The following VSIG1 variants were observed in gnomAD, a reference collection of about 807,000 sequenced individuals.
VSIG1 encodes the protein V-set and immunoglobulin domain-containing protein 1.
Under a neutral mutation model 20.1 loss-of-function variants are expected in VSIG1, and 11 were observed. That is an observed-to-expected ratio of 0.55 (90% CI 0.34 to 0.91). The LOEUF is 0.91. Among genes scored for constraint, VSIG1 ranks in the 40% least tolerant of loss-of-function variants. The pLI is 0.02. For missense variants in VSIG1, 283 were observed against 298.8 expected, an observed-to-expected ratio of 0.95 and a Z score of 0.39; for synonymous variants, 126 against 116.7, an observed-to-expected ratio of 1.08 and a Z score of -0.52.
chrX:108,036,927 T>C, the VSIG1 span, among the ~76,000 whole-genome samples: 88 of 111,856 alleles, frequency 7.9e-4, 3 homozygotes, highest in East Asian at 0.023. Context: ...CAGAGCTCAC[T>C]TGGGTTTCTC....
intron 4 of VSIG1, 150 bp from the exon 5 acceptor site, chrX:108,073,100 G>T (rs2031282584): frequency 1.4e-6 from 1 of 696,003 alleles, no homozygotes; most frequent in African/African-American, 2.2e-5. Flanking sequence ...GTTAGCACTG[G>T]AACAGTCCTG....
intron 3 of VSIG1, among the ~76,000 whole-genome samples, chrX:108,068,483 C>A (rs1375646678): frequency 9.0e-6 from 1 of 111,614 alleles, no homozygotes; most frequent in African/African-American, 3.3e-5. Flanking sequence ...GGAAGCATAG[C>A]AGCTTCTTGG....
At chrX:108,066,801 C>T in intron 2 of VSIG1, 135 bp from the exon 3 acceptor site, 1 of 584,284 alleles carries the variant, frequency 1.7e-6, no homozygotes, top group East Asian at 3.6e-5. Flanking sequence ...GAAACCTTGG[C>T]CACAGGGACC....
chrX:108,047,833 CAT>C (rs1423558840), intron 1 of VSIG1, among the ~76,000 whole-genome samples: 1,334 of 45,205 alleles, frequency 0.03, 91 homozygotes, highest in African/African-American at 0.047. Flanking sequence ...TATATATACA[CAT>C]ATATATATAC....
At chrX:108,047,893 T>TATATATACACAC (rs2030651655) in intron 1 of VSIG1, among the ~76,000 whole-genome samples, 1 of 16,473 alleles carries the variant, frequency 6.1e-5, no homozygotes, top group Non-Finnish European at 9.3e-5. Context: ...TATACACACA[T>TATATATACACAC]ATATATATAT....
At chrX:108,027,464 T>C in the VSIG1 span, among the ~76,000 whole-genome samples, 1 of 111,725 alleles carries the variant, frequency 9.0e-6, no homozygotes, top group Non-Finnish European at 1.9e-5. Flanking sequence ...AATAAGAATA[T>C]CCATAAAGTT....
chrX:108,029,824 AAG>A, the VSIG1 span, among the ~76,000 whole-genome samples: 1 of 111,720 alleles, frequency 9.0e-6, no homozygotes, highest in African/African-American at 3.3e-5. Context: ...AAGGAGGAGA[AAG>A]AGAGCAGAGC....
intron 3 of VSIG1, among the ~76,000 whole-genome samples, chrX:108,071,192 G>A (rs910066701): frequency 2.7e-5 from 3 of 111,237 alleles, no homozygotes; most frequent in African/African-American, 9.8e-5. Flanking sequence ...GGTAAGAGCT[G>A]TAGGACTGAG....
At chrX:108,065,230 G>A (rs2031104635) in intron 2 of VSIG1, among the ~76,000 whole-genome samples, 2 of 111,570 alleles carry the variant, frequency 1.8e-5, no homozygotes, top group Admixed American at 1.9e-4. Context: ...AATATCTTTT[G>A]GTTTTCTAAT....
At chrX:108,061,731 A>T (rs999050680) in intron 2 of VSIG1, among the ~76,000 whole-genome samples, 3 of 110,158 alleles carry the variant, frequency 2.7e-5, no homozygotes, top group African/African-American at 9.9e-5. Flanking sequence ...GCCTCTTCCT[A>T]AAGGCTCAGG....
intron 2 of VSIG1, among the ~76,000 whole-genome samples, chrX:108,058,970 G>A (rs888632672): frequency 6.3e-5 from 7 of 111,547 alleles, no homozygotes; most frequent in African/African-American, 1.6e-4. Flanking sequence ...ATGCACGTGC[G>A]TGTGTGTGTT....
At chrX:108,041,265 T>C (rs1257374425), upstream of VSIG1, among the ~76,000 whole-genome samples, 7 of 110,750 alleles carry the variant, frequency 6.3e-5, no homozygotes, top group Non-Finnish European at 9.5e-5. Flanking sequence ...AATGTAGGTA[T>C]ACCTGACTTA....
chrX:108,044,966 G>C, upstream of VSIG1: 1 of 329,050 alleles, frequency 3.0e-6, no homozygotes, highest in Non-Finnish European at 5.3e-6. Context: ...AATCTGTACT[G>C]AAAAAAGTCT....
At chrX:108,048,963 C>T (rs1440734526) in intron 1 of VSIG1, among the ~76,000 whole-genome samples, 1 of 112,069 alleles carries the variant, frequency 8.9e-6, no homozygotes, top group Non-Finnish European at 1.9e-5. Flanking sequence ...TAAAAAGGCT[C>T]ATCTGGAAAT....
At chrX:108,060,930 C>T (rs1173855430) in intron 2 of VSIG1, among the ~76,000 whole-genome samples, 2 of 112,202 alleles carry the variant, frequency 1.8e-5, no homozygotes, top group Non-Finnish European at 3.8e-5. Flanking sequence ...GGGACTGACT[C>T]ATGGGCACTA....
At chrX:108,044,052 G>A (rs1204343923), upstream of VSIG1, among the ~76,000 whole-genome samples, 1 of 111,600 alleles carries the variant, frequency 9.0e-6, no homozygotes, top group African/African-American at 3.3e-5. Context: ...CTGGCACACA[G>A]GATGAAGGTG....
At chrX:108,047,799 TATATATATAC>T (rs2030624106) in intron 1 of VSIG1, among the ~76,000 whole-genome samples, 6 of 68,557 alleles carry the variant, frequency 8.8e-5, no homozygotes, top group African/African-American at 1.9e-4. Flanking sequence ...TCTATATATA[TATATATATAC>T]ATATATATAT....
chrX:108,064,168 C>A (rs1251458109), intron 2 of VSIG1, among the ~76,000 whole-genome samples: 1 of 111,582 alleles, frequency 9.0e-6, no homozygotes, highest in African/African-American at 3.3e-5. Flanking sequence ...ACTGTGTGGA[C>A]TTCCCCTTAA....
chrX:108,072,965 C>T (rs1232632311), intron 4 of VSIG1, 133 bp downstream of exon 4: 25 of 691,489 alleles, frequency 3.6e-5, no homozygotes, highest in Non-Finnish European at 4.4e-5. Context: ...TGGAGGGGGG[C>T]GGCTGGTAAT....
Sources: allele counts gnomAD v4.1 joint callset (sites outside exome capture counted in the v4.1 genomes callset), GRCh38; gene constraint gnomAD v4.1.1; transcripts MANE v1.5; gene names NCBI Gene and HGNC (gene_info 2026-07-23, HGNC 2026-07-21).